The following MYOM1 variants were observed in gnomAD, a reference collection of about 807,000 sequenced individuals.
MYOM1 encodes myomesin-1.
In MYOM1, 164 loss-of-function variants were observed where a neutral mutation model predicts 205.3. That is an observed-to-expected ratio of 0.80 (90% confidence interval 0.70 to 0.91). MYOM1 has a LOEUF of 0.91. MYOM1 is among the 40% of genes least tolerant of loss of function. MYOM1 has a pLI of 0.00. For missense variants in MYOM1, 2,011 were observed against 2,127.3 expected (o/e 0.95, Z 1.08); for synonymous variants, 772 against 789.4 (o/e 0.98, Z 0.37).
Position 3,151,668 on chromosome 18 carries a change from G to A in MYOM1, c.1843+26C>T, listed in dbSNP as rs777226686. ...AGTCATTTTAAAAAGGTTTAGGGAAGGTCCTGAAAAATGAAAAGTGCTTAC... is the reference window on the plus strand; with the variant it reads ...AGTCATTTTAAAAAGGTTTAGGGAAAGTCCTGAAAAATGAAAAGTGCTTAC... On this transcript the variant is annotated intron_variant, in intron 12 of 37. Transcript: ENST00000356443. The A allele has an allele frequency of 4.4e-6, 7 of 1,592,164 alleles. No individual in the cohort carries two copies. The East Asian group carries it at 1.6e-4, about 36-fold the overall frequency.
At position 3,116,435 on chromosome 18, in the gene MYOM1, G is replaced by A. The variant is rs748569417; in HGVS notation, c.3199C>T (p.Arg1067Trp). ...ACGAAGTAACCAGTGACCGGAGTCC[G>A]CCCGGAGTGGACTGGCGGCTTCCAC... ...LQWKPPVHSG[R>W]TPVTGYFVDL... Residue 1067 changes from arginine to tryptophan, a missense_variant, in exon 21 of 38, where the codon CGG (arginine) becomes TGG (tryptophan). Physicochemically the swap from Arg to Trp is moderately radical, Grantham distance 101 (BLOSUM62 -3). Coordinates refer to ENST00000356443, the MANE Select transcript of MYOM1 (RefSeq NM_003803.4). The A allele has an allele frequency of 4.2e-5, 67 of 1,613,490 alleles. No homozygotes were observed. The highest frequency in any genetic ancestry group is 5.1e-5 in the Non-Finnish European group (60 of 1,179,716).
the MYOM1 span, among the ~76,000 whole-genome samples, chr18:3,235,073 T>C: frequency 1.3e-5 from 2 of 152,086 alleles, no homozygotes; most frequent in East Asian, 3.9e-4. Flanking sequence ...ACTTTTGATA[T>C]TGTTTTTTCC....
intron 34 of MYOM1, among the ~76,000 whole-genome samples, chr18:3,076,812 C>G (rs756490877): frequency 1.3e-5 from 2 of 151,160 alleles, no homozygotes; most frequent in Non-Finnish European, 2.9e-5. Context: ...CTCCCCAGTT[C>G]AAGTGATTCT....
chr18:3,134,405 G>GT (rs34366449), intron 16 of MYOM1, among the ~76,000 whole-genome samples: 33 of 147,646 alleles, frequency 2.2e-4, no homozygotes, highest in African/African-American at 2.5e-4. Context: ...ATGTTTTCTT[G>GT]TTTTTTTTTT....
At position 3,126,766 on chromosome 18, in the gene MYOM1, T is replaced by A; in HGVS notation, c.2926A>T (p.Ile976Phe). Residue 976 changes from isoleucine to phenylalanine, a missense_variant, in exon 19 of 38, where the codon ATT (isoleucine) becomes TTT (phenylalanine). Coordinates refer to ENST00000356443, the MANE Select transcript of MYOM1 (RefSeq NM_003803.4). ...TGYYVNYREV[I>F]DGVPGKWREA... Reference sequence around the variant, plus strand: ...CTCCATTTTCCTGGTACCCCATCAATGACCTCGCGATAGTTCACATAATAG... The same window carrying A: ...CTCCATTTTCCTGGTACCCCATCAAAGACCTCGCGATAGTTCACATAATAG... 6.2e-7 allele frequency: 1 copy of A among 1,613,930 alleles called. No homozygotes were observed. The highest frequency in any genetic ancestry group is 8.5e-7 in the Non-Finnish European group (1 of 1,179,848).
intron 14 of MYOM1, among the ~76,000 whole-genome samples, chr18:3,136,392 T>C (rs1283673677): frequency 2.6e-5 from 4 of 152,120 alleles, no homozygotes; most frequent in African/African-American, 9.7e-5. Flanking sequence ...TGGGGTCAGG[T>C]AATTTTCTAA....
chr18:3,113,978 C>A (rs1046336149), intron 21 of MYOM1, among the ~76,000 whole-genome samples: 3 of 152,142 alleles, frequency 2.0e-5, no homozygotes, highest in Admixed American at 2.0e-4. Context: ...GTAGTAATAG[C>A]CCTCACTGGC....
intron 37 of MYOM1, among the ~76,000 whole-genome samples, chr18:3,070,681 A>G (rs2078948518): frequency 6.6e-6 from 1 of 152,110 alleles, no homozygotes; most frequent in Non-Finnish European, 1.5e-5. Flanking sequence ...ATTATTACAG[A>G]AACAGGTTAC....
intron 33 of MYOM1, among the ~76,000 whole-genome samples, chr18:3,081,053 C>A (rs1461896599): frequency 5.9e-5 from 9 of 151,940 alleles, no homozygotes; most frequent in African/African-American, 1.7e-4. Flanking sequence ...AATTGCTTGA[C>A]CCTGGAGGCA....
intron 14 of MYOM1, among the ~76,000 whole-genome samples, chr18:3,136,905 T>C (rs1233491212): frequency 6.6e-6 from 1 of 152,130 alleles, no homozygotes; most frequent in Non-Finnish European, 1.5e-5. Flanking sequence ...TAGAATTCCA[T>C]CTGGCAAATA....
rs2079841881 is a variant in MYOM1 at position 3,129,341 on chromosome 18, T to C, written c.2685A>G (p.Glu895=). The C allele has an allele frequency of 6.2e-7, 1 of 1,613,914 alleles. No homozygotes were observed. Among genetic ancestry groups the C allele is most frequent in the African/African-American group, 1.3e-5 (1 of 74,926 alleles). The change falls in exon 18 of 38, where the codon GAA becomes GAG. Residue 895 remains glutamate, a synonymous_variant. Transcript: ENST00000356443. ...PSSSQNLGQT[E]VSKVSETVQE... is the part of the protein sequence containing the mutation. The stretch of plus-strand genomic sequence containing the variant: ...GAACTGTTTCACTTACTTTACTCAC[T>C]TCTGTTTGGCCCAGGTTTTGAGAGC...
rs1340388169 is a variant in MYOM1, at chr18:3,209,896, AT to A, written c.290+5037del. On this transcript the variant is annotated intron_variant, in intron 2 of 37. Coordinates refer to ENST00000356443, the MANE Select transcript of MYOM1 (RefSeq NM_003803.4). The surrounding 1 kb of genome is among the most constrained non-coding windows in gnomAD (Gnocchi z 4.0). ...AATATAATTCTACTTAATATAATAG[AT>A]TCAATACAATGTGCTTGGTAATTTA... Among the ~76,000 whole-genome samples, 25 of 152,346 alleles carry A rather than the reference AT, an allele frequency of 1.6e-4. 1 individual carries two copies. The East Asian group carries it at 3.5e-3, about 21-fold the overall frequency.
In MYOM1 at chr18:3,177,620, G is replaced by A. The variant is rs757454035; in HGVS notation, c.930-1486C>T. ...CCCAGTAGCTGGGATTACAGGCACC[G>A]GCCACTACGCCTGGCTAGTTTTTTG... is the stretch of plus-strand genomic sequence containing the variant. On this transcript the variant is annotated intron_variant, in intron 5 of 37. Transcript: ENST00000356443. Among the ~76,000 whole-genome samples, 43 of 151,948 alleles carry A rather than the reference G, an allele frequency of 2.8e-4. 1 individual carries two copies. Among genetic ancestry groups the A allele is most frequent in the South Asian group, 1.5e-3 (7 of 4,816 alleles).
chr18:3,166,425 C>T (rs1377713636), intron 9 of MYOM1, among the ~76,000 whole-genome samples: 1 of 151,982 alleles, frequency 6.6e-6, no homozygotes, highest in African/African-American at 2.4e-5. Context: ...CATGCACCAC[C>T]ACGCCTGGCT....
At chr18:3,127,404 G>T (rs567569210) in intron 18 of MYOM1, among the ~76,000 whole-genome samples, 7 of 147,728 alleles carry the variant, frequency 4.7e-5, no homozygotes, top group South Asian at 2.1e-4. Flanking sequence ...CGTCTTCTGG[G>T]TTCAAGCAAT....
intron 36 of MYOM1, among the ~76,000 whole-genome samples, chr18:3,073,319 C>CA (rs1205023664): frequency 6.6e-6 from 1 of 152,188 alleles, no homozygotes; most frequent in Non-Finnish European, 1.5e-5. Context: ...CTGGAAAGGG[C>CA]ACCTTCCTGT....
intron 19 of MYOM1, among the ~76,000 whole-genome samples, chr18:3,124,149 A>G (rs1243488373): frequency 1.0e-4 from 15 of 150,508 alleles, no homozygotes; most frequent in Non-Finnish European, 2.1e-4. Flanking sequence ...TAAAGCTATA[A>G]TATTTAAATC....
intron 16 of MYOM1, among the ~76,000 whole-genome samples, chr18:3,132,118 GTATA>G (rs1555621173): frequency 1.8e-4 from 26 of 143,452 alleles, no homozygotes; most frequent in African/African-American, 6.7e-4. Context: ...ATATGTGTGT[GTATA>G]TATATATATA....
At chr18:3,085,890 A>G in intron 30 of MYOM1, 148 bp downstream of exon 30, 1 of 550,946 alleles carries the variant, frequency 1.8e-6, no homozygotes. Context: ...TCACAAGGTT[A>G]GAGAAGCTTT....
Sources: allele counts gnomAD v4.1 joint callset (sites outside exome capture counted in the v4.1 genomes callset), GRCh38; gene constraint gnomAD v4.1.1; non-coding constraint Gnocchi (gnomAD v3.1); transcripts MANE v1.5; gene names NCBI Gene and HGNC (gene_info 2026-07-23, HGNC 2026-07-21).